The following RABGGTB variants were observed in gnomAD, a reference collection of about 807,000 sequenced individuals.
RABGGTB encodes Rab geranylgeranyltransferase subunit beta.
A neutral mutation model predicts 44.5 loss-of-function variants in RABGGTB; 20 were observed. That is an observed-to-expected ratio of 0.45 (90% CI 0.32 to 0.65). The LOEUF is 0.65. Ranked by LOEUF, RABGGTB falls within the 30% of genes least tolerant of loss-of-function variation. RABGGTB has a pLI of 0.05. For synonymous variants in RABGGTB, 128 were observed against 136.7 expected (o/e 0.94, Z 0.44); for missense variants, 302 against 398.7 (o/e 0.76, Z 2.06).
chr1:75,791,380 T>C (rs1237427667), intron 5 of RABGGTB, 43 bp downstream of exon 5: 2 of 1,578,726 alleles, frequency 1.3e-6, no homozygotes, highest in African/African-American at 1.4e-5. Context: ...AGTTCATGAA[T>C]ACTCTGGAAT....
At chr1:75,788,746 A>G (rs1649564882) in intron 2 of RABGGTB, 1 of 167,510 alleles carries the variant, frequency 6.0e-6, no homozygotes, top group Admixed American at 5.5e-5. Context: ...ATGTAGTTAT[A>G]TAATTTACTA....
At chr1:75,786,358 A>G in intron 1 of RABGGTB, 84 bp downstream of exon 1, 2 of 1,563,118 alleles carry the variant, frequency 1.3e-6, no homozygotes, top group East Asian at 4.5e-5. Flanking sequence ...TCACCTTAGG[A>G]TTGGTTTCCT....
intron 4 of RABGGTB, chr1:75,790,335 G>T: frequency 8.2e-7 from 1 of 1,213,844 alleles, no homozygotes; most frequent in South Asian, 4.0e-5. Flanking sequence ...AAAACTACTT[G>T]CTGGAAAGGG....
Position 75,789,237 on chromosome 1 carries a change from C to T in RABGGTB, c.190C>T (p.His64Tyr). 6.2e-7 allele frequency: 1 copy of T among 1,613,982 alleles called. No homozygotes were observed. Among genetic ancestry groups the T allele is most frequent in the Non-Finnish European group, 8.5e-7 (1 of 1,179,870 alleles). ...AGTAATGGATCTCATGGGACAACTTCATCGCATGAATAGAGAAGAGATTCT... is the reference window on the plus strand; with the variant it reads ...AGTAATGGATCTCATGGGACAACTTTATCGCATGAATAGAGAAGAGATTCT... ...LTVMDLMGQLHRMNREEILAF... is the reference protein window; with the variant it reads ...LTVMDLMGQLYRMNREEILAF... The change falls in exon 3 of 9, where the codon CAT becomes TAT. Residue 64 changes from histidine (H) to tyrosine (Y), a missense_variant. His to Tyr is a moderately conservative substitution (Grantham distance 83, BLOSUM62 2). Transcript: ENST00000319942.
At position 75,789,164 on chromosome 1, in the gene RABGGTB, C is replaced by A. The variant is rs762056681; in HGVS notation, c.117C>A (p.Tyr39Ter). ...GAAATTGTGTATTATTTTAGGAATA[C>A]TGTATGTCTGAGTATTTGAGAATGA... ...SYGSKKDDYEYCMSEYLRMSG... is the reference protein window; with the variant it reads ...SYGSKKDDYE The change falls in exon 3 of 9, where the codon TAC becomes TAA. Residue 39 changes from tyrosine to a stop codon, truncating the protein, a stop_gained. Transcript: ENST00000319942. LOFTEE classifies it high-confidence loss of function. 6.2e-7 allele frequency: 1 copy of A among 1,612,914 alleles called. No homozygotes were observed. The highest frequency in any genetic ancestry group is 2.2e-5 in the East Asian group (1 of 44,862).
At chr1:75,790,613 A>C in intron 4 of RABGGTB, 2 of 486,048 alleles carry the variant, frequency 4.1e-6, no homozygotes, top group Non-Finnish European at 5.4e-6. Context: ...TTCTTTAAGC[A>C]GCTTAAGATA....
chr1:75,790,135 GT>G (rs778531108), intron 4 of RABGGTB, 78 bp downstream of exon 4: 3 of 1,583,060 alleles, frequency 1.9e-6, no homozygotes, highest in Non-Finnish European at 2.6e-6. Context: ...CAGTTTATAA[GT>G]TTTTCATCTT....
rs1368138491 is a variant in RABGGTB at position 75,794,641 on chromosome 1, A to G, written c.987A>G (p.Leu329=). The G allele has an allele frequency of 6.2e-7, 1 of 1,605,758 alleles. No individual in the cohort carries two copies. Among genetic ancestry groups the G allele is most frequent in the Non-Finnish European group, 8.5e-7 (1 of 1,175,624 alleles). The change falls in exon 9 of 9, where the codon CTA becomes CTG. Residue 329 remains leucine, a synonymous_variant. Coordinates refer to ENST00000319942, the MANE Select transcript of RABGGTB (RefSeq NM_004582.4). ...AGAGAGTGAATGTTCAGCCTGAGCT[A>G]GTGAGCTAGATTCATTGAATTGAAA... ...VLQRVNVQPE[L]VS
At chr1:75,786,327 G>C in intron 1 of RABGGTB, 53 bp downstream of exon 1, 1 of 1,607,130 alleles carries the variant, frequency 6.2e-7, no homozygotes, top group Non-Finnish European at 8.5e-7. Flanking sequence ...AGACAGGGTG[G>C]AGTAGGGTTA....
intron 4 of RABGGTB, chr1:75,790,444 A>G (rs1649619074): frequency 9.2e-7 from 1 of 1,086,304 alleles, no homozygotes; most frequent in Non-Finnish European, 1.1e-6. Context: ...TCTCTGCTTT[A>G]GGGATGAACA....
chr1:75,789,692 CTT>C (rs1371890698), intron 3 of RABGGTB: 4 of 570,792 alleles, frequency 7.0e-6, no homozygotes, highest in South Asian at 2.1e-5. Context: ...AAGATCAGGA[CTT>C]TGTGTGGATG....
At chr1:75,790,146 T>C (rs770874771) in intron 4 of RABGGTB, 89 bp downstream of exon 4, 2 of 1,568,448 alleles carry the variant, frequency 1.3e-6, no homozygotes, top group African/African-American at 2.7e-5. Flanking sequence ...TTTTTCATCT[T>C]TTCAGGTCCC....
chr1:75,786,257 C>T lies in RABGGTB; in HGVS notation c.-15C>T, dbSNP rs752432926. ...ACCCAGGAACTGACCCTGCTCTCTC[C>T]TTTCCCTGTTAGACATGGTAAGTGT... On this transcript the variant is annotated 5_prime_UTR_variant, in exon 1 of 9. Transcript: ENST00000319942. 1.3e-5 allele frequency: 21 copies of T among 1,614,106 alleles called. No homozygotes were observed. The African/African-American group carries it at 1.5e-4, about 11-fold the overall frequency.
chr1:75,787,579 C>T lies in RABGGTB; in HGVS notation c.86C>T (p.Ser29Phe), dbSNP rs994945395. 9.3e-6 allele frequency: 15 copies of T among 1,612,296 alleles called. No homozygotes were observed. The highest frequency in any genetic ancestry group is 1.2e-5 in the Non-Finnish European group (14 of 1,178,560). ...GAGAAACATGCAGATTATATCGCATCCTATGGCTCAAAGAAAGATGATTAT... is the reference window on the plus strand; with the variant it reads ...GAGAAACATGCAGATTATATCGCATTCTATGGCTCAAAGAAAGATGATTAT... ...LLEKHADYIA[S>F]YGSKKDDYEY... is the part of the protein sequence containing the mutation. Residue 29 changes from serine (S) to phenylalanine (F), a missense_variant, in exon 2 of 9, where the codon TCC becomes TTC. By Grantham distance (155) the Ser-to-Phe change is radical. Coordinates refer to ENST00000319942, the MANE Select transcript of RABGGTB (RefSeq NM_004582.4).
chr1:75,787,461 G>C, intron 1 of RABGGTB, 36 bp from the exon 2 acceptor site: 1 of 1,475,392 alleles, frequency 6.8e-7, no homozygotes, highest in East Asian at 2.3e-5. Context: ...CGTTGTAGAG[G>C]TAAACATTGA....
intron 7 of RABGGTB, 122 bp from the exon 8 acceptor site, chr1:75,793,962 C>A: frequency 1.9e-6 from 2 of 1,039,938 alleles, no homozygotes; most frequent in Non-Finnish European, 2.7e-6. Flanking sequence ...TTCGTCCTTC[C>A]ACATGGTTTG....
chr1:75,794,041 A>G lies in RABGGTB; in HGVS notation c.706-43A>G, dbSNP rs747983665. ...TTTTAAATTGTTCTCAAAATTAGGG[A>G]AATAAAAGAGAATGAAATTGTGGCA... On this transcript the variant is annotated intron_variant, in intron 7 of 8. Transcript: ENST00000319942. The G allele has an allele frequency of 3.3e-6, 5 of 1,520,888 alleles. No individual in the cohort carries two copies. In the East Asian group the frequency reaches 9.1e-5, roughly 28 times the overall value. 94.2% of individuals were successfully genotyped at this position (1,520,888 alleles called of 1,614,324 possible). A position where few individuals can be genotyped will look rare whatever the true frequency, so the allele number is the denominator to read the frequency against.
chr1:75,789,435 A>G lies in RABGGTB; in HGVS notation c.309+79A>G. 4 of 1,452,370 alleles carry G rather than the reference A, an allele frequency of 2.8e-6. No homozygotes were observed. The South Asian group carries it at 3.4e-5, about 12-fold the overall frequency. The allele number at this position is 1,452,370 out of a possible 1,614,324, so 90.0% of individuals were successfully genotyped here. ...AGTTGGAAATTGAAACTGTATCAGG[A>G]TTTGGTCAAAAAGTTTTGTTACAAG... On this transcript the variant is annotated intron_variant, in intron 3 of 8. Transcript: ENST00000319942.
At chr1:75,787,639 T>C in intron 2 of RABGGTB, 35 bp downstream of exon 2, 1 of 1,519,098 alleles carries the variant, frequency 6.6e-7, no homozygotes, top group Non-Finnish European at 9.1e-7. Context: ...AAAGTTTATT[T>C]TAAAGAAGTG....
Sources: gnomAD v4.1 joint callset for allele counts on GRCh38, gnomAD v4.1.1 for gene constraint, MANE v1.5 for transcripts, NCBI Gene and HGNC (gene_info 2026-07-23, HGNC 2026-07-21) for gene names.